DECR1: variants seen among roughly 807,000 people sequenced by gnomAD.
The protein encoded by DECR1 is 2,4-dienoyl-CoA reductase 1, also known as 2,4-dienoyl-CoA reductase [(3E)-enoyl-CoA-producing], mitochondrial.
Under a neutral mutation model 38.8 loss-of-function variants are expected in DECR1, and 44 were observed. The observed-to-expected ratio is 1.13, with a 90% CI of 0.89 to 1.46. DECR1 has a LOEUF of 1.46. DECR1 is among the 40% of genes most tolerant of loss of function. The probability of loss-of-function intolerance (pLI) is 0.00; values close to 1 mark genes in which losing one functional copy is unlikely to be tolerated. For synonymous variants in DECR1, 148 were observed against 135.2 expected (o/e 1.09, Z -0.66); for missense variants, 428 against 405.5 (o/e 1.06, Z -0.48).
At position 90,018,969 on chromosome 8, in the gene DECR1, A is replaced by T. The variant is rs371896281; in HGVS notation, c.330+3A>T. Reference sequence around the variant, plus strand: ...TTTCTTCTCAAACTGGAAATAAGGTACATTAAAAATCAGTTATTTAATTTA... The same window carrying T: ...TTTCTTCTCAAACTGGAAATAAGGTTCATTAAAAATCAGTTATTTAATTTA... On this transcript the variant is annotated splice_donor_region_variant and intron_variant, in intron 3 of 9. Coordinates refer to ENST00000220764, the MANE Select transcript of DECR1 (RefSeq NM_001359.2). 1.0e-5 allele frequency: 16 copies of T among 1,592,248 alleles called. No individual in the cohort carries two copies. Among genetic ancestry groups the T allele is most frequent in the Non-Finnish European group, 1.2e-5 (14 of 1,164,334 alleles).
intron 1 of DECR1, chr8:90,003,000 G>A (rs1812653473): frequency 6.6e-6 from 1 of 152,136 alleles, no homozygotes; most frequent in Admixed American, 6.5e-5. Flanking sequence ...AGTTTGAGAA[G>A]GAGAAAATGA....
intron 6 of DECR1, 30 bp downstream of exon 6, chr8:90,036,970 GAACAT>G: frequency 6.7e-7 from 1 of 1,483,064 alleles, no homozygotes; most frequent in Non-Finnish European, 9.4e-7. Flanking sequence ...TCCTGTTGCT[GAACAT>G]AACTAATACA....
chr8:90,020,960 T>C lies in DECR1; in HGVS notation c.469T>C (p.Ser157Pro), dbSNP rs1183849033. The change falls in exon 5 of 10, where the codon TCT becomes CCT. Residue 157 changes from serine (S) to proline (P), a missense_variant. Physicochemically the swap from Ser to Pro is moderately conservative, Grantham distance 74. Coordinates refer to ENST00000220764, the MANE Select transcript of DECR1 (RefSeq NM_001359.2). ...TTTTATTTCTCCTACTGAAAGACTTTCTCCTAATGCTTGGAAAACCATAAC... is the reference window on the plus strand; with the variant it reads ...TTTTATTTCTCCTACTGAAAGACTTCCTCCTAATGCTTGGAAAACCATAAC... ...GNFISPTERL[S>P]PNAWKTITDI... 9 of 1,592,886 alleles carry C rather than the reference T, an allele frequency of 5.7e-6. No homozygotes were observed. The highest frequency in any genetic ancestry group is 7.7e-6 in the Non-Finnish European group (9 of 1,171,898).
At chr8:90,048,796 T>C (rs1001031470) in intron 8 of DECR1, among the ~76,000 whole-genome samples, 6 of 152,122 alleles carry the variant, frequency 3.9e-5, no homozygotes, top group African/African-American at 1.4e-4. Flanking sequence ...TTCAGTAAAA[T>C]ACTGGCAAAC....
chr8:90,028,296 A>G (rs1426414099), intron 5 of DECR1, among the ~76,000 whole-genome samples: 1 of 152,182 alleles, frequency 6.6e-6, no homozygotes, highest in East Asian at 1.9e-4. Context: ...AAGTTACTTA[A>G]CATTCAAGTT....
At chr8:90,026,149 A>G (rs936202534) in intron 5 of DECR1, among the ~76,000 whole-genome samples, 4 of 152,212 alleles carry the variant, frequency 2.6e-5, no homozygotes, top group Non-Finnish European at 5.9e-5. Flanking sequence ...AGATTTTTGC[A>G]TGGATGTTCA....
chr8:90,009,656 T>A (rs1812835489), intron 1 of DECR1, among the ~76,000 whole-genome samples: 1 of 152,214 alleles, frequency 6.6e-6, no homozygotes, highest in Non-Finnish European at 1.5e-5. Flanking sequence ...GTAAGCAAAT[T>A]CCCAAAACAA....
rs2130126350 is a variant in DECR1 at position 90,036,634 on chromosome 8, G to A, written c.566-207G>A. On this transcript the variant is annotated intron_variant, in intron 5 of 9. Coordinates refer to ENST00000220764, the MANE Select transcript of DECR1 (RefSeq NM_001359.2). ...ATACATTCCAAGTAAGTGCAGATTG[G>A]GCCATCCTAAATCATAAGATTAGTA... Among the ~76,000 whole-genome samples the A allele has an allele frequency of 2.0e-5, 3 of 152,124 alleles. No individual in the cohort carries two copies. The South Asian group carries it at 6.2e-4, about 32-fold the overall frequency.
At chr8:90,037,057 T>A in intron 6 of DECR1, 117 bp downstream of exon 6, 1 of 684,992 alleles carries the variant, frequency 1.5e-6, no homozygotes. Flanking sequence ...AGACTTGGAT[T>A]CACCATGAGA....
At chr8:90,040,471 CTT>C (rs1424092724) in intron 6 of DECR1, among the ~76,000 whole-genome samples, 1 of 152,022 alleles carries the variant, frequency 6.6e-6, no homozygotes, top group African/African-American at 2.4e-5. Flanking sequence ...TTTCATAGAA[CTT>C]AGCGCATTTT....
At chr8:90,021,916 G>A (rs1029438709) in intron 5 of DECR1, among the ~76,000 whole-genome samples, 1 of 152,164 alleles carries the variant, frequency 6.6e-6, no homozygotes, top group African/African-American at 2.4e-5. Flanking sequence ...TATGTACATG[G>A]ATAGCAAACA....
At position 90,020,990 on chromosome 8, in the gene DECR1, A is replaced by G. The variant is rs142348077; in HGVS notation, c.499A>G (p.Ile167Val). ...SPNAWKTITD[I>V]VLNGTAFVTL... is the part of the protein sequence containing the mutation. ...TAATGCTTGGAAAACCATAACTGAC[A>G]TAGTTCTAAATGGCACAGCCTTCGT... is the stretch of plus-strand genomic sequence containing the variant. The change falls in exon 5 of 10, where the codon ATA becomes GTA. Residue 167 changes from isoleucine (I) to valine (V), a missense_variant. Ile to Val is a conservative substitution (Grantham distance 29, BLOSUM62 3). Transcript: ENST00000220764. 3 of 1,597,386 alleles carry G rather than the reference A, an allele frequency of 1.9e-6. No individual in the cohort carries two copies. Among genetic ancestry groups the G allele is most frequent in the Non-Finnish European group, 2.6e-6 (3 of 1,173,868 alleles).
chr8:90,018,837 G>T, intron 2 of DECR1, 72 bp from the exon 3 acceptor site: 1 of 1,113,538 alleles, frequency 9.0e-7, no homozygotes, highest in Non-Finnish European at 1.4e-6. Context: ...TTTAAGCTAT[G>T]GATTCTCTGT....
At chr8:90,049,554 C>G (rs1814011532) in intron 8 of DECR1, among the ~76,000 whole-genome samples, 1 of 152,180 alleles carries the variant, frequency 6.6e-6, no homozygotes, top group Non-Finnish European at 1.5e-5. Flanking sequence ...AAGAACATTC[C>G]ATGCTCATGG....
intron 5 of DECR1, 45 bp from the exon 6 acceptor site, chr8:90,036,796 G>A (rs1344735375): frequency 1.6e-6 from 2 of 1,240,102 alleles, no homozygotes; most frequent in Non-Finnish European, 2.3e-6. Flanking sequence ...TATGTGTAGT[G>A]ATACATCTAT....
chr8:90,037,971 A>C (rs961709316), intron 6 of DECR1, among the ~76,000 whole-genome samples: 3 of 152,182 alleles, frequency 2.0e-5, no homozygotes, highest in Non-Finnish European at 4.4e-5. Context: ...ATCTTAGATC[A>C]TTTCCTGTCA....
intron 5 of DECR1, among the ~76,000 whole-genome samples, chr8:90,024,732 C>T (rs1033366579): frequency 3.3e-5 from 5 of 152,188 alleles, no homozygotes; most frequent in South Asian, 2.1e-4. Flanking sequence ...AATTAGATCC[C>T]GTTTGTCTAT....
In DECR1 at chr8:90,049,814, G is replaced by A. The variant is rs146586386; in HGVS notation, c.886-1863G>A. Among the ~76,000 whole-genome samples, 438 of 145,172 alleles carry A rather than the reference G, an allele frequency of 3.0e-3. 2 individuals carry two copies. Among genetic ancestry groups the A allele is most frequent in the African/African-American group, 0.01 (367 of 35,090 alleles). On this transcript the variant is annotated intron_variant, in intron 8 of 9. Transcript: ENST00000220764. ...TACAGTAACCAAAACAGCATGGTAC[G>A]GTACCAAAACAGAGATATAGACCAA...
chr8:90,019,303 G>A (rs1262517258), intron 4 of DECR1, 131 bp downstream of exon 4: 2 of 717,624 alleles, frequency 2.8e-6, no homozygotes, highest in Non-Finnish European at 4.6e-6. Context: ...CTTAGCCTGG[G>A]AAGGTTCTTG....
Sources: allele counts gnomAD v4.1 joint callset (sites outside exome capture counted in the v4.1 genomes callset), GRCh38; gene constraint gnomAD v4.1.1; transcripts MANE v1.5; gene names NCBI Gene and HGNC (gene_info 2026-07-23, HGNC 2026-07-21).